Variants in ATP2B1 observed in about 807,000 individuals in gnomAD.
ATP2B1 encodes plasma membrane calcium-transporting ATPase 1.
Under a neutral mutation model 124.2 loss-of-function variants are expected in ATP2B1, and 14 were observed. The observed-to-expected ratio is 0.11, with a 90% confidence interval of 0.07 to 0.18. The LOEUF (loss-of-function observed/expected upper bound fraction) is 0.18. ATP2B1 is among the 10% of genes least tolerant of loss of function. The probability of loss-of-function intolerance (pLI) is 1.00; values close to 1 mark genes in which losing one functional copy is unlikely to be tolerated. For synonymous variants in ATP2B1, 449 were observed against 492.4 expected (o/e 0.91, Z 1.17); for missense variants, 763 against 1,466.1 (o/e 0.52, Z 7.83).
chr12:89,592,866 G>C (rs565892611), intron 20 of ATP2B1, among the ~76,000 whole-genome samples: 2 of 152,150 alleles, frequency 1.3e-5, no homozygotes, highest in Admixed American at 1.3e-4. Context: ...TGCAGATTCT[G>C]ATTCAGCAGG....
chr12:89,633,814 C>T (rs1414828634), intron 5 of ATP2B1, among the ~76,000 whole-genome samples: 1 of 152,032 alleles, frequency 6.6e-6, no homozygotes, highest in Non-Finnish European at 1.5e-5. Flanking sequence ...TGACAGAAGA[C>T]TACATGTAGA....
In ATP2B1 at chr12:89,611,294, G is replaced by A; in HGVS notation, c.2146C>T (p.Arg716Trp). 1 of 1,610,068 alleles carries A rather than the reference G, an allele frequency of 6.2e-7. No homozygotes were observed. The highest frequency in any genetic ancestry group is 8.5e-7 in the Non-Finnish European group (1 of 1,178,362). Residue 716 changes from arginine (R) to tryptophan (W), a missense_variant, in exon 13 of 21, where the codon CGG becomes TGG. Around this residue, in one of 7 missense-constraint regions of ATP2B1, gnomAD observed 392 missense variants for 776.6 expected, o/e 0.50. Coordinates refer to ENST00000428670, the MANE Select transcript of ATP2B1 (RefSeq NM_001366521.1). ...MVTGDNINTA[R>W]AIATKCGILH... is the part of the protein sequence containing the mutation. ...ATACCACATTTGGTAGCAATGGCCC[G>A]AGCAGTATTAATATTATCACCAGTG...
intron 1 of ATP2B1, among the ~76,000 whole-genome samples, chr12:89,687,471 G>C (rs970304073): frequency 6.6e-6 from 1 of 152,012 alleles, no homozygotes; most frequent in African/African-American, 2.4e-5. Context: ...TAGGTTACAT[G>C]CAAACATATT....
chr12:89,633,182 A>G (rs1412146052), intron 5 of ATP2B1, among the ~76,000 whole-genome samples: 2 of 152,186 alleles, frequency 1.3e-5, no homozygotes, highest in Non-Finnish European at 2.9e-5. Context: ...TTAACACATT[A>G]TACTTAAATA....
chr12:89,612,469 A>G (rs1408386453), intron 12 of ATP2B1, among the ~76,000 whole-genome samples: 1 of 152,116 alleles, frequency 6.6e-6, no homozygotes, highest in East Asian at 1.9e-4. Context: ...CTAATGAAAG[A>G]GCTATTTAGC....
At chr12:89,697,048 G>A (rs1317535880) in intron 1 of ATP2B1, among the ~76,000 whole-genome samples, 2 of 123,876 alleles carry the variant, frequency 1.6e-5, no homozygotes, top group African/African-American at 3.1e-5. Flanking sequence ...CTGTTTTCCC[G>A]AGATTCTACT....
intron 1 of ATP2B1, among the ~76,000 whole-genome samples, chr12:89,693,731 A>G (rs1592996131): frequency 6.6e-6 from 1 of 152,320 alleles, no homozygotes; most frequent in South Asian, 2.1e-4. Context: ...GTGCTGGCAA[A>G]CCAGTTATCA....
intron 20 of ATP2B1, among the ~76,000 whole-genome samples, chr12:89,595,430 T>C (rs1239107392): frequency 6.6e-6 from 1 of 152,014 alleles, no homozygotes; most frequent in Non-Finnish European, 1.5e-5. Flanking sequence ...AACTACAGAA[T>C]GTTTTCTCTA....
At chr12:89,660,463 T>TA (rs1256212212) in intron 1 of ATP2B1, among the ~76,000 whole-genome samples, 3 of 152,192 alleles carry the variant, frequency 2.0e-5, no homozygotes, top group Non-Finnish European at 4.4e-5. Context: ...TACTCAAAGC[T>TA]AAAAAATGCA....
intron 8 of ATP2B1, 67 bp from the exon 9 acceptor site, chr12:89,624,464 T>C (rs765910277): frequency 1.6e-6 from 2 of 1,272,318 alleles, no homozygotes; most frequent in African/African-American, 1.5e-5. Context: ...TTGCCAGATA[T>C]AAATTAAACA....
chr12:89,597,515 C>T (rs1386412703), intron 20 of ATP2B1, among the ~76,000 whole-genome samples: 1 of 152,098 alleles, frequency 6.6e-6, no homozygotes, highest in African/African-American at 2.4e-5. Flanking sequence ...TGAAAATATA[C>T]TTAAGTAAAT....
At chr12:89,604,728 A>T (rs1876502608) in intron 15 of ATP2B1, among the ~76,000 whole-genome samples, 1 of 152,078 alleles carries the variant, frequency 6.6e-6, no homozygotes, top group African/African-American at 2.4e-5. Flanking sequence ...CAAACAAAAA[A>T]CCCATAAAAC....
chr12:89,627,047 T>C (rs1213415315), intron 7 of ATP2B1, among the ~76,000 whole-genome samples: 1 of 152,158 alleles, frequency 6.6e-6, no homozygotes, highest in African/African-American at 2.4e-5. Context: ...ATATTTTGTT[T>C]CTTATGCATT....
At chr12:89,599,520 T>C (rs915106177) in intron 19 of ATP2B1, among the ~76,000 whole-genome samples, 1 of 152,180 alleles carries the variant, frequency 6.6e-6, no homozygotes, top group African/African-American at 2.4e-5. Flanking sequence ...TTTTCCTAAA[T>C]GGAAATTAAC....
At chr12:89,676,839 A>C (rs928640275) in intron 1 of ATP2B1, among the ~76,000 whole-genome samples, 5 of 152,322 alleles carry the variant, frequency 3.3e-5, no homozygotes, top group African/African-American at 7.2e-5. Context: ...CATTGTTAAA[A>C]GAATAATTCC....
Position 89,621,493 on chromosome 12 carries a change from GTC to G in ATP2B1, c.1587+54_1587+55del. ...ATGGTGGTCTGAAGACTTACATATA[GTC>G]TGATCATTATAGATTTAAAAATTAA... On this transcript the variant is annotated intron_variant, in intron 10 of 20. Transcript: ENST00000428670. 3 of 1,345,794 alleles carry G rather than the reference GTC, an allele frequency of 2.2e-6. No individual in the cohort carries two copies. The East Asian group carries it at 7.6e-5, about 34-fold the overall frequency. 83.4% of individuals were successfully genotyped at this position (1,345,794 alleles called of 1,614,324 possible).
chr12:89,699,993 C>T (rs1180918176), intron 1 of ATP2B1, among the ~76,000 whole-genome samples: 1 of 151,002 alleles, frequency 6.6e-6, no homozygotes, highest in Non-Finnish European at 1.5e-5. Context: ...TACAGGTACA[C>T]GACACCATGC....
At chr12:89,684,104 T>TAAGAAAG (rs1167823801) in intron 1 of ATP2B1, among the ~76,000 whole-genome samples, 1 of 152,048 alleles carries the variant, frequency 6.6e-6, no homozygotes, top group Admixed American at 6.6e-5. Context: ...ACTTTCTGTG[T>TAAGAAAG]AAGAAAGAAG....
intron 2 of ATP2B1, among the ~76,000 whole-genome samples, chr12:89,647,639 G>A (rs1884669878): frequency 1.3e-5 from 2 of 152,132 alleles, no homozygotes; most frequent in South Asian, 2.1e-4. Flanking sequence ...TATATCATAT[G>A]TATATGTGTG....
Sources: gnomAD v4.1 joint callset for allele counts (sites outside exome capture counted in the v4.1 genomes callset) on GRCh38, gnomAD v4.1.1 for gene constraint, gnomAD v4.1.1 regional missense constraint, MANE v1.5 for transcripts, NCBI Gene and HGNC (gene_info 2026-07-23, HGNC 2026-07-21) for gene names.